Variants in GLI3 observed in about 807,000 individuals in gnomAD.
GLI3 encodes transcription activator GLI3.
A neutral mutation model predicts 100.8 loss-of-function variants in GLI3; 20 were observed. The ratio of observed to expected loss-of-function variants is 0.20; its 90% CI spans 0.14 to 0.29. GLI3 has a LOEUF of 0.29. Ranked by LOEUF, GLI3 falls within the 10% of genes least tolerant of loss-of-function variation. The probability of loss-of-function intolerance (pLI) is 1.00; values close to 1 mark genes in which losing one functional copy is unlikely to be tolerated. For synonymous variants in GLI3, 938 were observed against 860.5 expected (o/e 1.09, Z -1.58); for missense variants, 2,040 against 2,128.5 (o/e 0.96, Z 0.82).
At chr7:42,080,758 G>A (rs1464731722) in intron 3 of GLI3, among the ~76,000 whole-genome samples, 2 of 152,124 alleles carry the variant, frequency 1.3e-5, no homozygotes, top group East Asian at 3.9e-4. Context: ...ATCCTCAAAC[G>A]TTGAGTACTT....
intron 3 of GLI3, among the ~76,000 whole-genome samples, chr7:42,101,460 G>T (rs1785459322): frequency 6.6e-6 from 1 of 151,786 alleles, no homozygotes; most frequent in Non-Finnish European, 1.5e-5. Flanking sequence ...CTTTAAATTA[G>T]CCAGGTATGG....
chr7:41,977,435 C>G, intron 12 of GLI3, 123 bp downstream of exon 12: 1 of 959,874 alleles, frequency 1.0e-6, no homozygotes, highest in African/African-American at 1.6e-5. Flanking sequence ...AGGGGCAGAG[C>G]CCCTCATGCT....
chr7:42,184,172 C>T (rs967997260), intron 2 of GLI3, among the ~76,000 whole-genome samples: 1 of 152,240 alleles, frequency 6.6e-6, no homozygotes, highest in African/African-American at 2.4e-5. Flanking sequence ...CTCTACCTCC[C>T]GTCATGCTTA....
intron 1 of GLI3, among the ~76,000 whole-genome samples, chr7:42,235,733 C>T (rs1788777750): frequency 6.6e-6 from 1 of 152,174 alleles, no homozygotes; most frequent in Non-Finnish European, 1.5e-5. Context: ...GCACAGCGGC[C>T]GGCCCTCCAT....
chr7:42,104,098 G>A (rs531814577), intron 3 of GLI3, among the ~76,000 whole-genome samples: 2 of 151,986 alleles, frequency 1.3e-5, no homozygotes, highest in Middle Eastern at 3.2e-3. Flanking sequence ...GCATACTTAC[G>A]GTCTCCACTT....
rs13438737 is a variant in GLI3 at position 42,066,036 on chromosome 7, C to T, written c.473+10716G>A. Reference sequence around the variant, plus strand: ...GAAGCCATGGACTAATCACACAGGCCGGAATCAAATGGACTGGAAGAATTA... The same window carrying T: ...GAAGCCATGGACTAATCACACAGGCTGGAATCAAATGGACTGGAAGAATTA... On this transcript the variant is annotated intron_variant, in intron 4 of 14. Coordinates refer to ENST00000395925, the MANE Select transcript of GLI3 (RefSeq NM_000168.6). 4.9e-3 allele frequency among the ~76,000 whole-genome samples: 738 copies of T among 152,150 alleles called. 5 individuals are homozygous for T. Among genetic ancestry groups the T allele is most frequent in the African/African-American group, 0.016 (683 of 41,496 alleles).
intron 3 of GLI3, among the ~76,000 whole-genome samples, chr7:42,093,002 C>T (rs1583550862): frequency 6.6e-6 from 1 of 151,652 alleles, no homozygotes; most frequent in African/African-American, 2.4e-5. Context: ...TTACCAGAGA[C>T]GAGGTTTCAC....
chr7:42,087,172 C>T (rs1190063239), intron 3 of GLI3, among the ~76,000 whole-genome samples: 1 of 152,182 alleles, frequency 6.6e-6, no homozygotes, highest in Non-Finnish European at 1.5e-5. Flanking sequence ...GTGGACCAGG[C>T]TAGCCATCCC....
At chr7:42,185,225 A>G (rs1357570160) in intron 2 of GLI3, among the ~76,000 whole-genome samples, 2 of 152,184 alleles carry the variant, frequency 1.3e-5, no homozygotes, top group Non-Finnish European at 2.9e-5. Context: ...GTTTCAGGGC[A>G]TGTTTCCTGA....
intron 1 of GLI3, among the ~76,000 whole-genome samples, chr7:42,246,612 AAAAAC>A (rs3057272): frequency 0.039 from 5,779 of 150,002 alleles, 207 homozygotes; most frequent in African/African-American, 0.099. Context: ...GTACATACAG[AAAAAC>A]AAAACAAAAC....
chr7:42,109,198 C>A (rs1490792194), intron 3 of GLI3, among the ~76,000 whole-genome samples: 7 of 152,196 alleles, frequency 4.6e-5, no homozygotes, highest in African/African-American at 1.7e-4. Context: ...AATAAAGGCA[C>A]CTTGCTTTAA....
At position 41,965,347 on chromosome 7, in the gene GLI3, G is replaced by A; in HGVS notation, c.3726C>T (p.Asn1242=). Reference sequence around the variant, plus strand: ...CCTTACAGGGCTGTTCATGGAAGGCGTTTCCACTGGTGCCACTTCCGGGGC... The same window carrying A: ...CCTTACAGGGCTGTTCATGGAAGGCATTTCCACTGGTGCCACTTCCGGGGC... ...HNSPGSGTSG[N]AFHEQPCKAP... is the part of the protein sequence containing the mutation. Residue 1242 remains asparagine, a synonymous_variant, in exon 15 of 15, where the codon AAC becomes AAT. Coordinates refer to ENST00000395925, the MANE Select transcript of GLI3 (RefSeq NM_000168.6). The A allele has an allele frequency of 1.9e-5, 31 of 1,613,656 alleles. No individual in the cohort carries two copies. Among genetic ancestry groups the A allele is most frequent in the Non-Finnish European group, 2.5e-5 (29 of 1,179,808 alleles).
intron 10 of GLI3, among the ~76,000 whole-genome samples, chr7:41,988,152 G>A (rs1355897751): frequency 4.6e-5 from 7 of 152,184 alleles, no homozygotes; most frequent in Non-Finnish European, 8.8e-5. Flanking sequence ...TTAATCACCA[G>A]TGTGGGTGTA....
At chr7:42,049,464 G>T (rs1027368919) in intron 4 of GLI3, among the ~76,000 whole-genome samples, 2 of 152,250 alleles carry the variant, frequency 1.3e-5, no homozygotes, top group African/African-American at 2.4e-5. Context: ...GCCACGTTCA[G>T]TGAGCAGTAG....
intron 2 of GLI3, among the ~76,000 whole-genome samples, chr7:42,150,602 C>T (rs971072334): frequency 6.6e-6 from 1 of 152,140 alleles, no homozygotes; most frequent in African/African-American, 2.4e-5. Flanking sequence ...ATTTGGAGGC[C>T]AGAAAACCCT....
chr7:42,185,056 A>T (rs191548948), intron 2 of GLI3, among the ~76,000 whole-genome samples: 12 of 152,060 alleles, frequency 7.9e-5, no homozygotes, highest in African/African-American at 2.7e-4. Context: ...TAAGGTGAAC[A>T]CTGGCTCCCA....
At chr7:42,089,945 C>T (rs1325549386) in intron 3 of GLI3, among the ~76,000 whole-genome samples, 3 of 152,170 alleles carry the variant, frequency 2.0e-5, no homozygotes, top group Non-Finnish European at 4.4e-5. Flanking sequence ...AGTGCACTTA[C>T]ACACACCTAG....
intron 2 of GLI3, among the ~76,000 whole-genome samples, chr7:42,192,847 C>A (rs958280862): frequency 6.6e-6 from 1 of 152,192 alleles, no homozygotes; most frequent in Non-Finnish European, 1.5e-5. Context: ...CCTTCTCTAC[C>A]ACTTAGCACC....
At chr7:42,017,577 G>C (rs762139572) in intron 10 of GLI3, among the ~76,000 whole-genome samples, 3 of 152,142 alleles carry the variant, frequency 2.0e-5, no homozygotes, top group Non-Finnish European at 4.4e-5. Context: ...GCTCGCACTT[G>C]AGGGAGAATC....
Sources: allele counts gnomAD v4.1 joint callset (sites outside exome capture counted in the v4.1 genomes callset), GRCh38; gene constraint gnomAD v4.1.1; transcripts MANE v1.5; gene names NCBI Gene and HGNC (gene_info 2026-07-23, HGNC 2026-07-21).